The following RAB3GAP1 variants were observed in gnomAD, a reference collection of about 807,000 sequenced individuals.
The protein encoded by RAB3GAP1 is RAB3 GTPase activating protein catalytic subunit 1, also known as rab3 GTPase-activating protein catalytic subunit.
Under a neutral mutation model 130.7 loss-of-function variants are expected in RAB3GAP1, and 86 were observed. The ratio of observed to expected loss-of-function variants is 0.66; its 90% CI spans 0.55 to 0.79. The LOEUF (loss-of-function observed/expected upper bound fraction) is 0.79, where lower values mean the gene tolerates loss of function less well. Among genes scored for constraint, RAB3GAP1 ranks in the 30% least tolerant of loss-of-function variants. The pLI, the probability that RAB3GAP1 is intolerant of heterozygous loss-of-function variation, is 0.00. For missense variants in RAB3GAP1, 1,029 were observed against 1,169.4 expected (o/e 0.88, Z 1.75); for synonymous variants, 367 against 401.7 (o/e 0.91, Z 1.03).
At chr2:135,056,045 C>A (rs970371848) in intron 2 of RAB3GAP1, among the ~76,000 whole-genome samples, 2 of 150,806 alleles carry the variant, frequency 1.3e-5, no homozygotes, top group African/African-American at 4.9e-5. Context: ...ACTGTGTTAG[C>A]CAGGATGGTC....
At chr2:135,107,378 T>TATAACATATGTA in intron 5 of RAB3GAP1, among the ~76,000 whole-genome samples, 1 of 146,672 alleles carries the variant, frequency 6.8e-6, no homozygotes, top group South Asian at 2.1e-4. Context: ...TTGTTGGGTT[T>TATAACATATGTA]ATAACATATG....
At position 135,169,813 on chromosome 2, in the gene RAB3GAP1, TG is replaced by T; in HGVS notation, c.*1033del. The T allele has an allele frequency of 4.4e-6, 2 of 454,410 alleles. No homozygotes were observed. Among genetic ancestry groups the T allele is most frequent in the South Asian group, 3.1e-5 (2 of 64,208 alleles). 28.1% of individuals were successfully genotyped at this position (454,410 alleles called of 1,614,324 possible). ...ATTTCTAGTTTCATGGAGCTCAAGA[TG>T]TCTTGTGTCTGTGTGGCTAGATGGC... is the stretch of plus-strand genomic sequence containing the variant. On this transcript the variant is annotated 3_prime_UTR_variant, in exon 24 of 24. Transcript: ENST00000264158.
intron 17 of RAB3GAP1, among the ~76,000 whole-genome samples, chr2:135,146,742 A>AT (rs1573596536): frequency 6.6e-6 from 1 of 152,170 alleles, no homozygotes; most frequent in South Asian, 2.1e-4. Flanking sequence ...ATGGAATAAC[A>AT]TTTTTTGTGT....
downstream of RAB3GAP1, chr2:135,170,747 C>G (rs1331983094): frequency 6.6e-6 from 1 of 152,074 alleles, no homozygotes; most frequent in African/African-American, 2.4e-5. Context: ...CTTTGAGGAT[C>G]AGGAAAATTA....
At chr2:135,167,805 G>A (rs1692701399) in intron 23 of RAB3GAP1, 1 of 1,129,684 alleles carries the variant, frequency 8.9e-7, no homozygotes, top group Non-Finnish European at 1.2e-6. Context: ...CTCTCTCACA[G>A]TCTGGATTTG....
chr2:135,171,920 G>A (rs1356479117), downstream of RAB3GAP1, among the ~76,000 whole-genome samples: 4 of 152,202 alleles, frequency 2.6e-5, no homozygotes, highest in African/African-American at 7.2e-5. Flanking sequence ...ATTGGCCAAT[G>A]AAAAGCCTGA....
intron 4 of RAB3GAP1, among the ~76,000 whole-genome samples, chr2:135,092,584 C>T (rs1040374492): frequency 2.0e-5 from 3 of 152,096 alleles, no homozygotes; most frequent in Middle Eastern, 3.2e-3. Flanking sequence ...TTACAGGCAC[C>T]AATCACCATA....
At position 135,150,366 on chromosome 2, in the gene RAB3GAP1, C is replaced by T. The variant is rs984857143; in HGVS notation, c.1924-3C>T. On this transcript the variant is annotated splice_region_variant and splice_polypyrimidine_tract_variant and intron_variant, in intron 17 of 23. Transcript: ENST00000264158. ...ATGAGCCTTGTCCTTTTGTGCTTCACAGGAACCAGCACCTATGACAGAAGA... is the reference window on the plus strand; with the variant it reads ...ATGAGCCTTGTCCTTTTGTGCTTCATAGGAACCAGCACCTATGACAGAAGA... The T allele has an allele frequency of 1.2e-6, 2 of 1,614,152 alleles. No individual in the cohort carries two copies. The highest frequency in any genetic ancestry group is 1.3e-5 in the African/African-American group (1 of 75,038).
At position 135,129,403 on chromosome 2, in the gene RAB3GAP1, G is replaced by A. The variant is rs568897735; in HGVS notation, c.974-592G>A. ...GGAGGTGGAGCTTGCAGTGAGCCGAGATTGCGCCACTGCACTCCAGCCTGG... is the reference window on the plus strand; with the variant it reads ...GGAGGTGGAGCTTGCAGTGAGCCGAAATTGCGCCACTGCACTCCAGCCTGG... On this transcript the variant is annotated intron_variant, in intron 11 of 23. Transcript: ENST00000264158. Among the ~76,000 whole-genome samples the A allele has an allele frequency of 2.3e-4, 35 of 150,562 alleles. No homozygotes were observed. The South Asian group carries it at 7.3e-3, about 32-fold the overall frequency.
intron 5 of RAB3GAP1, among the ~76,000 whole-genome samples, chr2:135,111,166 TA>T (rs542997945): frequency 6.6e-5 from 10 of 152,208 alleles, no homozygotes; most frequent in Non-Finnish European, 1.2e-4. Context: ...CTTAATTTTT[TA>T]AATCATTACT....
At chr2:135,149,250 T>C (rs1433753956) in intron 17 of RAB3GAP1, among the ~76,000 whole-genome samples, 2 of 152,212 alleles carry the variant, frequency 1.3e-5, no homozygotes, top group East Asian at 3.9e-4. Context: ...TACTCCTTCA[T>C]GAGAGATTGA....
In RAB3GAP1 at chr2:135,126,609, A is replaced by G; in HGVS notation, c.926A>G (p.His309Arg). 6.2e-7 allele frequency: 1 copy of G among 1,613,290 alleles called. No homozygotes were observed. Among genetic ancestry groups the G allele is most frequent in the Non-Finnish European group, 8.5e-7 (1 of 1,179,324 alleles). ...YSDLDPIQAP[H>R]WSVRVRKAEN... ...GATTTGGATCCTATTCAAGCTCCAC[A>G]TTGGTCTGTTAGAGTTCGAAAAGCT... The change falls in exon 11 of 24, where the codon CAT (histidine) becomes CGT (arginine). Residue 309 changes from histidine to arginine, a missense_variant. Transcript: ENST00000264158.
At chr2:135,107,458 T>C (rs1415545814) in intron 5 of RAB3GAP1, among the ~76,000 whole-genome samples, 1 of 151,912 alleles carries the variant, frequency 6.6e-6, no homozygotes, top group Non-Finnish European at 1.5e-5. Context: ...TATATAAAAT[T>C]GGTAGATTTT....
chr2:135,096,112 A>T (rs969065123), intron 5 of RAB3GAP1, among the ~76,000 whole-genome samples: 1 of 152,170 alleles, frequency 6.6e-6, no homozygotes, highest in Non-Finnish European at 1.5e-5. Context: ...TGTCTTTTTC[A>T]GTTATTCCAA....
chr2:135,123,064 T>C (rs1486390092), intron 8 of RAB3GAP1, among the ~76,000 whole-genome samples: 2 of 152,130 alleles, frequency 1.3e-5, no homozygotes, highest in Non-Finnish European at 2.9e-5. Context: ...GATGTAAGTT[T>C]CTTAACCCAT....
downstream of RAB3GAP1, among the ~76,000 whole-genome samples, chr2:135,171,150 A>G (rs1042484603): frequency 2.0e-5 from 3 of 152,004 alleles, no homozygotes; most frequent in Non-Finnish European, 4.4e-5. Flanking sequence ...GAAAATGTCT[A>G]TTTGGGGGGC....
chr2:135,162,169 C>G (rs1692481953), intron 19 of RAB3GAP1, among the ~76,000 whole-genome samples: 1 of 151,964 alleles, frequency 6.6e-6, no homozygotes, highest in African/African-American at 2.4e-5. Flanking sequence ...GTGAGAAAAG[C>G]AGGTTAAAAG....
At chr2:135,172,766 A>G (rs957868903), downstream of RAB3GAP1, among the ~76,000 whole-genome samples, 11 of 152,108 alleles carry the variant, frequency 7.2e-5, no homozygotes, top group African/African-American at 2.7e-4. Flanking sequence ...GGCCATGTTA[A>G]TTTTTAGAGG....
intron 6 of RAB3GAP1, among the ~76,000 whole-genome samples, chr2:135,114,461 G>A (rs1690907637): frequency 6.6e-6 from 1 of 152,102 alleles, no homozygotes; most frequent in Admixed American, 6.5e-5. Context: ...TATTAACTTG[G>A]GGATATATTT....
Sources: allele counts gnomAD v4.1 joint callset (sites outside exome capture counted in the v4.1 genomes callset), GRCh38; gene constraint gnomAD v4.1.1; transcripts MANE v1.5; gene names NCBI Gene and HGNC (gene_info 2026-07-23, HGNC 2026-07-21).